The following EPS8 variants were observed in gnomAD, a reference collection of about 807,000 sequenced individuals.
EPS8 encodes EGFR pathway substrate 8, signaling adaptor.
Under a neutral mutation model 103.8 loss-of-function variants are expected in EPS8, and 42 were observed. That is an observed-to-expected ratio of 0.40 (90% confidence interval 0.32 to 0.52). The LOEUF (loss-of-function observed/expected upper bound fraction) is 0.52, where lower values mean the gene tolerates loss of function less well. Ranked by LOEUF, EPS8 falls within the 20% of genes least tolerant of loss-of-function variation. The pLI, the probability that EPS8 is intolerant of heterozygous loss-of-function variation, is 0.40. For synonymous variants in EPS8, 344 were observed against 344.6 expected (o/e 1.00, Z 0.02); for missense variants, 969 against 1,005.1 (o/e 0.96, Z 0.49).
At chr12:15,670,031 G>A (rs2135849454) in intron 4 of EPS8, among the ~76,000 whole-genome samples, 1 of 152,238 alleles carries the variant, frequency 6.6e-6, no homozygotes, top group East Asian at 1.9e-4. Flanking sequence ...ATGGTGTTTT[G>A]ACTCATAAGA....
rs979315210 is a variant in EPS8, at chr12:15,690,557, C to T, written c.-21-7585G>A. 2.6e-5 allele frequency among the ~76,000 whole-genome samples: 4 copies of T among 152,138 alleles called. No individual in the cohort carries two copies. The highest frequency in any genetic ancestry group is 9.7e-5 in the African/African-American group (4 of 41,406). ...GGAACACAGAGGTATTATATCTTAT[C>T]AAGGATTATCCATTGTTTCAATTTG... On this transcript the variant is annotated intron_variant, in intron 1 of 20. Transcript: ENST00000281172. This position sits in a 1 kb window ranked among gnomAD's most constrained non-coding sequence, Gnocchi z 4.7.
chr12:15,688,568 G>T lies in EPS8; in HGVS notation c.-21-5596C>A, dbSNP rs540079803. ...GCTGGACATTGAGAGGGGCACATCG[G>T]CAGAGGAACACACCAACAGGCACTA... On this transcript the variant is annotated intron_variant, in intron 1 of 20. Transcript: ENST00000281172. The surrounding 1 kb of genome is among the most constrained non-coding windows in gnomAD (Gnocchi z 5.1). Among the ~76,000 whole-genome samples the T allele has an allele frequency of 1.3e-5, 2 of 152,228 alleles. No individual in the cohort carries two copies. The highest frequency in any genetic ancestry group is 4.8e-5 in the African/African-American group (2 of 41,550).
chr12:15,660,697 G>C lies in EPS8; in HGVS notation c.854C>G (p.Thr285Arg). The change falls in exon 10 of 21, where the codon ACA becomes AGA. Residue 285 changes from threonine to arginine, a missense_variant. Physicochemically the swap from Thr to Arg is moderately conservative, Grantham distance 71 (BLOSUM62 -1). Coordinates refer to ENST00000281172, the MANE Select transcript of EPS8 (RefSeq NM_004447.6). ...HILDDIEFFITKLQKAAEAFS... is the reference protein window; with the variant it reads ...HILDDIEFFIRKLQKAAEAFS... ...TGCTTCTGCTGCTTTTTGGAGTTTT[G>C]TGATAAAAAATTCAATGTCATCCAA... is the stretch of plus-strand genomic sequence containing the variant. 1 of 1,611,226 alleles carries C rather than the reference G, an allele frequency of 6.2e-7. No homozygotes were observed. The highest frequency in any genetic ancestry group is 1.1e-5 in the South Asian group (1 of 90,756).
In EPS8 at chr12:15,787,121, T is replaced by C. The variant is rs1947319610; in HGVS notation, c.-22+2040A>G. Among the ~76,000 whole-genome samples, 1 of 152,194 alleles carries C rather than the reference T, an allele frequency of 6.6e-6. No homozygotes were observed. Among genetic ancestry groups the C allele is most frequent in the Non-Finnish European group, 1.5e-5 (1 of 68,008 alleles). ...CAACTTTTAAAAACCTATCATTTCC[T>C]ATTCTGGATACTATGTTTTCTTATA... On this transcript the variant is annotated intron_variant, in intron 1 of 20. Coordinates refer to ENST00000281172, the MANE Select transcript of EPS8 (RefSeq NM_004447.6). The surrounding 1 kb of genome is among the most constrained non-coding windows in gnomAD (Gnocchi z 4.9).
intron 1 of EPS8, among the ~76,000 whole-genome samples, chr12:15,689,564 T>G (rs1056089775): frequency 6.6e-6 from 1 of 152,234 alleles, no homozygotes; most frequent in African/African-American, 2.4e-5. Flanking sequence ...CTTTGATACA[T>G]GTATAACTAT....
intron 12 of EPS8, among the ~76,000 whole-genome samples, chr12:15,656,057 C>T (rs771768275): frequency 2.0e-5 from 3 of 152,164 alleles, no homozygotes; most frequent in Non-Finnish European, 4.4e-5. Context: ...ATAACCTGAT[C>T]ACAAAGACCA....
At chr12:15,675,969 C>G (rs563760185) in intron 3 of EPS8, among the ~76,000 whole-genome samples, 7 of 152,186 alleles carry the variant, frequency 4.6e-5, no homozygotes, top group African/African-American at 1.7e-4. Context: ...AACATACAGA[C>G]TCTAGTGGAA....
chr12:15,694,747 T>C (rs1290347577), intron 1 of EPS8, among the ~76,000 whole-genome samples: 5 of 152,112 alleles, frequency 3.3e-5, no homozygotes, highest in Non-Finnish European at 5.9e-5. Flanking sequence ...ACATAGTCAT[T>C]AAAAAATAAA....
chr12:15,673,781 A>G (rs1287834221), intron 3 of EPS8, among the ~76,000 whole-genome samples: 2 of 152,208 alleles, frequency 1.3e-5, no homozygotes, highest in Non-Finnish European at 2.9e-5. Flanking sequence ...GGTTTCTAGT[A>G]GTACAAGCTG....
rs551381587 is a variant in EPS8, at chr12:15,767,276, T to C, written c.-22+21885A>G. Among the ~76,000 whole-genome samples, 2 of 152,310 alleles carry C rather than the reference T, an allele frequency of 1.3e-5. No individual in the cohort carries two copies. Among genetic ancestry groups the C allele is most frequent in the South Asian group, 4.1e-4 (2 of 4,824 alleles). ...AATATGGACAGAACAACAGAGTTCA[T>C]CCCTACCATTTTCACAAATTATTTC... On this transcript the variant is annotated intron_variant, in intron 1 of 20. Transcript: ENST00000281172. The surrounding 1 kb of genome is among the most constrained non-coding windows in gnomAD (Gnocchi z 5.5).
At chr12:15,683,953 G>C (rs1320203416) in intron 1 of EPS8, 1 of 152,092 alleles carries the variant, frequency 6.6e-6, no homozygotes, top group African/African-American at 2.4e-5. Context: ...GGGCCAAGGG[G>C]GTGAAAGCAT....
At chr12:15,651,455 C>T (rs1262504519) in intron 13 of EPS8, among the ~76,000 whole-genome samples, 1 of 152,176 alleles carries the variant, frequency 6.6e-6, no homozygotes, top group Non-Finnish European at 1.5e-5. Context: ...TTAGATATAT[C>T]TTTCAAAAGA....
chr12:15,708,627 G>A (rs1220996893), intron 1 of EPS8, among the ~76,000 whole-genome samples: 1 of 152,146 alleles, frequency 6.6e-6, no homozygotes, highest in Non-Finnish European at 1.5e-5. Flanking sequence ...TTCTGTGCAC[G>A]CCTACTATTT....
rs1473060082 is a variant in EPS8, at chr12:15,696,424, G to A, written c.-21-13452C>T. On this transcript the variant is annotated intron_variant, in intron 1 of 20. Coordinates refer to ENST00000281172, the MANE Select transcript of EPS8 (RefSeq NM_004447.6). This position sits in a 1 kb window ranked among gnomAD's most constrained non-coding sequence, Gnocchi z 4.8. ...TGGGAGGCCAAGGCAGGCAGATCAC[G>A]AGGTCAGGAGTTCAAGACCAGCCTG... Among the ~76,000 whole-genome samples, 1 of 152,066 alleles carries A rather than the reference G, an allele frequency of 6.6e-6. No homozygotes were observed. Among genetic ancestry groups the A allele is most frequent in the Non-Finnish European group, 1.5e-5 (1 of 68,018 alleles).
At chr12:15,724,087 T>G (rs1197431586) in intron 1 of EPS8, among the ~76,000 whole-genome samples, 1 of 152,128 alleles carries the variant, frequency 6.6e-6, no homozygotes, top group Non-Finnish European at 1.5e-5. Context: ...CACCTTTGGG[T>G]CAGTGAATCC....
Position 15,751,536 on chromosome 12 carries a change from G to A in EPS8, c.-22+37625C>T. Among the ~76,000 whole-genome samples, 1 of 152,052 alleles carries A rather than the reference G, an allele frequency of 6.6e-6. No homozygotes were observed. The highest frequency in any genetic ancestry group is 2.1e-4 in the South Asian group (1 of 4,818). ...GTCCTCCAGACAAACCGGTCAATTA[G>A]TGTGCCTCCACAAACACTTATTCAA... On this transcript the variant is annotated intron_variant, in intron 1 of 20. Transcript: ENST00000281172. The surrounding 1 kb of genome is among the most constrained non-coding windows in gnomAD (Gnocchi z 4.3).
chr12:15,752,316 G>A lies in EPS8; in HGVS notation c.-22+36845C>T, dbSNP rs1285798401. ...CAAAAAATTAGCCAGGTGTGGTGGC[G>A]GGTGCCTGTAGTCCCAGCTACAAGG... On this transcript the variant is annotated intron_variant, in intron 1 of 20. Coordinates refer to ENST00000281172, the MANE Select transcript of EPS8 (RefSeq NM_004447.6). The surrounding 1 kb of genome is among the most constrained non-coding windows in gnomAD (Gnocchi z 4.4). Among the ~76,000 whole-genome samples the A allele has an allele frequency of 6.6e-6, 1 of 151,968 alleles. No individual in the cohort carries two copies. The highest frequency in any genetic ancestry group is 1.9e-4 in the East Asian group (1 of 5,180).
chr12:15,663,602 T>G (rs1204388294), intron 8 of EPS8, among the ~76,000 whole-genome samples: 1 of 152,008 alleles, frequency 6.6e-6, no homozygotes, highest in Non-Finnish European at 1.5e-5. Flanking sequence ...CAGAAACCCC[T>G]AGGGATAAAT....
intron 1 of EPS8, among the ~76,000 whole-genome samples, chr12:15,708,146 T>G (rs1946413605): frequency 6.6e-6 from 1 of 152,238 alleles, no homozygotes. Context: ...ATCTGTAATC[T>G]ACAAAGTAAG....
Sources: allele counts gnomAD v4.1 joint callset (sites outside exome capture counted in the v4.1 genomes callset), GRCh38; gene constraint gnomAD v4.1.1; non-coding constraint Gnocchi (gnomAD v3.1); transcripts MANE v1.5; gene names NCBI Gene and HGNC (gene_info 2026-07-23, HGNC 2026-07-21).